The following DPYD variants were observed in gnomAD, a reference collection of about 807,000 sequenced individuals.
The protein encoded by DPYD is dihydropyrimidine dehydrogenase, also known as dihydropyrimidine dehydrogenase [NADP(+)].
A neutral mutation model predicts 116.2 loss-of-function variants in DPYD; 109 were observed. The observed-to-expected ratio is 0.94, with a 90% CI of 0.80 to 1.10. DPYD has a LOEUF of 1.10. DPYD is among the 50% of genes least tolerant of loss of function. The pLI is 0.00. For missense variants in DPYD, 1,302 were observed against 1,254.5 expected, an observed-to-expected ratio of 1.04 and a Z score of -0.57; for synonymous variants, 440 against 432.0, an observed-to-expected ratio of 1.02 and a Z score of -0.23.
intron 2 of DPYD, among the ~76,000 whole-genome samples, chr1:97,857,224 T>C (rs770454316): frequency 6.6e-6 from 1 of 151,996 alleles, no homozygotes; most frequent in Non-Finnish European, 1.5e-5. Context: ...ACACTGAAAA[T>C]AGCCTAAACA....
chr1:97,771,406 G>T (rs1396278893), intron 3 of DPYD, among the ~76,000 whole-genome samples: 1 of 152,102 alleles, frequency 6.6e-6, no homozygotes, highest in Non-Finnish European at 1.5e-5. Flanking sequence ...ACCAGAAATT[G>T]ATCTCTAGTA....
chr1:97,808,476 T>G (rs148814825), intron 3 of DPYD, among the ~76,000 whole-genome samples: 1 of 152,172 alleles, frequency 6.6e-6, no homozygotes, highest in African/African-American at 2.4e-5. Flanking sequence ...CAACCTTGCC[T>G]ATTAGTAAGG....
chr1:97,293,372 G>C lies in DPYD; in HGVS notation c.2299+11887C>G, dbSNP rs1184394396. On this transcript the variant is annotated intron_variant, in intron 18 of 22. Transcript: ENST00000370192. ...AGTGCTTAAGTGTACAGTATGAAGA[G>C]TCAGACAGTAGAGATTCCCATATAC... Among the ~76,000 whole-genome samples the C allele has an allele frequency of 2.6e-5, 4 of 152,186 alleles. No individual in the cohort carries two copies. The South Asian group carries it at 8.3e-4, about 31-fold the overall frequency.
intron 20 of DPYD, among the ~76,000 whole-genome samples, chr1:97,169,083 AGT>A (rs1656531521): frequency 6.6e-6 from 1 of 152,022 alleles, no homozygotes; most frequent in African/African-American, 2.4e-5. Context: ...CCTGACCTCA[AGT>A]GATCCACCCA....
At chr1:97,736,422 C>T (rs1256466140) in intron 4 of DPYD, among the ~76,000 whole-genome samples, 1 of 151,690 alleles carries the variant, frequency 6.6e-6, no homozygotes, top group Admixed American at 6.6e-5. Context: ...AAAACCCTTT[C>T]TGAATAAAAT....
intron 2 of DPYD, among the ~76,000 whole-genome samples, chr1:97,868,622 C>A (rs1341379782): frequency 6.6e-6 from 1 of 151,674 alleles, no homozygotes; most frequent in East Asian, 1.9e-4. Flanking sequence ...CCATAATTAT[C>A]AAGATTTCTA....
At chr1:97,295,732 G>GAT in intron 18 of DPYD, 1 of 982,180 alleles carries the variant, frequency 1.0e-6, no homozygotes, top group Non-Finnish European at 1.2e-6. Flanking sequence ...CTCTCAGCCT[G>GAT]ATAATTTTCT....
At chr1:97,501,501 A>G (rs1243212170) in intron 13 of DPYD, among the ~76,000 whole-genome samples, 1 of 152,008 alleles carries the variant, frequency 6.6e-6, no homozygotes, top group Non-Finnish European at 1.5e-5. Context: ...CAGAAGTTTG[A>G]GACCAGCCTG....
chr1:97,720,532 T>G, intron 5 of DPYD: 3 of 1,020,934 alleles, frequency 2.9e-6, no homozygotes, highest in Non-Finnish European at 3.5e-6. Flanking sequence ...TATTTTCTTA[T>G]TCCCAGGAGC....
chr1:97,737,525 CTGAGCAAGGAAGTCAGAATT>C (rs1308615074), intron 4 of DPYD, among the ~76,000 whole-genome samples: 1 of 152,034 alleles, frequency 6.6e-6, no homozygotes, highest in Non-Finnish European at 1.5e-5. Context: ...ACTACAGTTA[CTGAGCAAGGAAGTCAGAATT>C]TGAGCAAAGC....
intron 20 of DPYD, among the ~76,000 whole-genome samples, chr1:97,117,588 C>T (rs1410586818): frequency 6.6e-6 from 1 of 152,152 alleles, no homozygotes; most frequent in Non-Finnish European, 1.5e-5. Flanking sequence ...TTTAGTGTCG[C>T]TAGAATGTCG....
intron 3 of DPYD, among the ~76,000 whole-genome samples, chr1:97,823,215 C>T (rs980250298): frequency 4.6e-5 from 7 of 151,956 alleles, no homozygotes; most frequent in African/African-American, 1.5e-4. Context: ...AGGGCAGTGG[C>T]GTGATCTCTG....
At chr1:97,908,719 GACA>G (rs1344345495) in intron 1 of DPYD, among the ~76,000 whole-genome samples, 1 of 151,934 alleles carries the variant, frequency 6.6e-6, no homozygotes, top group Non-Finnish European at 1.5e-5. Flanking sequence ...CTTTACCTCT[GACA>G]ACATTCCACT....
chr1:97,195,393 T>G (rs1226257335), intron 19 of DPYD, among the ~76,000 whole-genome samples: 1 of 150,976 alleles, frequency 6.6e-6, no homozygotes, highest in Non-Finnish European at 1.5e-5. Context: ...TTTTGGGTCT[T>G]TGATTAAATA....
intron 14 of DPYD, among the ~76,000 whole-genome samples, chr1:97,406,339 T>C (rs1673656614): frequency 6.7e-6 from 1 of 150,032 alleles, no homozygotes; most frequent in African/African-American, 2.4e-5. Context: ...TTTATTTTAT[T>C]ATAGAATAAA....
At chr1:97,902,097 C>T (rs940252545) in intron 1 of DPYD, among the ~76,000 whole-genome samples, 4 of 151,662 alleles carry the variant, frequency 2.6e-5, no homozygotes, top group Non-Finnish European at 5.9e-5. Context: ...CTCAGTATCT[C>T]CAGGAACTTA....
chr1:97,264,627 A>C (rs1462844054), intron 18 of DPYD, among the ~76,000 whole-genome samples: 2 of 152,110 alleles, frequency 1.3e-5, no homozygotes, highest in Non-Finnish European at 2.9e-5. Flanking sequence ...CACAGTAATA[A>C]ATTTTTCCAT....
chr1:97,673,670 A>G (rs985186068), intron 8 of DPYD, among the ~76,000 whole-genome samples: 1 of 152,166 alleles, frequency 6.6e-6, no homozygotes, highest in African/African-American at 2.4e-5. Flanking sequence ...AAGAAGTGCT[A>G]TACTACAGTA....
chr1:97,347,009 T>C (rs1327688961), intron 16 of DPYD, among the ~76,000 whole-genome samples: 2 of 150,932 alleles, frequency 1.3e-5, no homozygotes, highest in African/African-American at 4.9e-5. Context: ...TATAAATCAG[T>C]GGATTCTTTT....
Sources: allele counts gnomAD v4.1 joint callset (sites outside exome capture counted in the v4.1 genomes callset), GRCh38; gene constraint gnomAD v4.1.1; transcripts MANE v1.5; gene names NCBI Gene and HGNC (gene_info 2026-07-23, HGNC 2026-07-21).